The following TNKS variants were observed in gnomAD, a reference collection of about 807,000 sequenced individuals.
The protein encoded by TNKS is tankyrase, also known as poly [ADP-ribose] polymerase tankyrase-1.
Under a neutral mutation model 135.8 loss-of-function variants are expected in TNKS, and 72 were observed. The observed-to-expected ratio is 0.53, with a 90% CI of 0.44 to 0.64. The LOEUF (loss-of-function observed/expected upper bound fraction) is 0.64. Ranked by LOEUF, TNKS falls within the 30% of genes least tolerant of loss-of-function variation. TNKS has a pLI of 0.00. For missense variants in TNKS, 1,769 were observed against 1,674.0 expected (o/e 1.06, Z -0.99); for synonymous variants, 849 against 649.3 (o/e 1.31, Z -4.68).
chr8:9,743,344 T>C (rs557031872), intron 17 of TNKS: 14 of 152,266 alleles, frequency 9.2e-5, no homozygotes, highest in Non-Finnish European at 1.8e-4. Flanking sequence ...GCACCTGTGG[T>C]TTAATGGAAA....
rs1463818784 is a variant in TNKS at position 9,691,717 on chromosome 8, T to A, written c.1107+10917T>A. ...ACATATAATGCACTTAGAAAAGTGC[T>A]TAGTACATAGAAAATGCCCAAATTT... On this transcript the variant is annotated intron_variant, in intron 5 of 26. Coordinates refer to ENST00000310430, the MANE Select transcript of TNKS (RefSeq NM_003747.3). Among the ~76,000 whole-genome samples, 6 of 152,218 alleles carry A rather than the reference T, an allele frequency of 3.9e-5. No individual in the cohort carries two copies. The South Asian group carries it at 1.2e-3, about 32-fold the overall frequency.
At chr8:9,684,287 A>G (rs1476927354) in intron 5 of TNKS, among the ~76,000 whole-genome samples, 3 of 152,058 alleles carry the variant, frequency 2.0e-5, no homozygotes, top group Non-Finnish European at 4.4e-5. Flanking sequence ...TTTATTAGCT[A>G]TTATCCACAT....
chr8:9,725,920 T>C (rs1324900765), intron 12 of TNKS, among the ~76,000 whole-genome samples: 1 of 152,242 alleles, frequency 6.6e-6, no homozygotes, highest in Non-Finnish European at 1.5e-5. Context: ...AATTTAATTA[T>C]ATTCTGTTTC....
chr8:9,764,600 T>G, intron 22 of TNKS, 116 bp from the exon 23 acceptor site: 1 of 621,240 alleles, frequency 1.6e-6, no homozygotes, highest in South Asian at 3.3e-5. Context: ...CCACTAAACT[T>G]GTTCATCAAT....
At position 9,556,283 on chromosome 8, in the gene TNKS, G is replaced by T. The variant is rs1313386543; in HGVS notation, c.344G>T (p.Gly115Val). The T allele has an allele frequency of 6.2e-7, 1 of 1,614,256 alleles. No homozygotes were observed. Among genetic ancestry groups the T allele is most frequent in the South Asian group, 1.1e-5 (1 of 91,088 alleles). The change falls in exon 1 of 27, where the codon GGG becomes GTG. Residue 115 changes from glycine to valine, a missense_variant. Physicochemically the swap from Gly to Val is moderately radical, Grantham distance 109. Around this residue, in one of 5 missense-constraint regions of TNKS, gnomAD observed 450 missense variants for 304.9 expected, o/e 1.48. Transcript: ENST00000310430. ...GCGGTTTCTACTTCATCTGCCGCTG[G>T]GGTCGCTCCCAACCCAGCCGGCAGT... Reference protein sequence around the residue: ...VPAVSTSSAAGVAPNPAGSGS... With the variant: ...VPAVSTSSAAVVAPNPAGSGS...
chr8:9,700,694 T>G (rs1363555846), intron 5 of TNKS, among the ~76,000 whole-genome samples: 1 of 152,080 alleles, frequency 6.6e-6, no homozygotes, highest in Non-Finnish European at 1.5e-5. Context: ...ATCAGTCATT[T>G]CTCAGAGGCT....
intron 20 of TNKS, among the ~76,000 whole-genome samples, chr8:9,755,028 A>C (rs143479747): frequency 0.011 from 1,716 of 152,346 alleles, 14 homozygotes; most frequent in African/African-American, 0.024. Context: ...GTAAAATTTC[A>C]AACACATCTT....
At chr8:9,567,619 G>C (rs889993947) in intron 1 of TNKS, among the ~76,000 whole-genome samples, 1 of 152,056 alleles carries the variant, frequency 6.6e-6, no homozygotes, top group Non-Finnish European at 1.5e-5. Flanking sequence ...GGGTTTCACC[G>C]TGTTAGCGAG....
At chr8:9,676,907 C>T (rs1380988034) in intron 3 of TNKS, among the ~76,000 whole-genome samples, 1 of 152,158 alleles carries the variant, frequency 6.6e-6, no homozygotes, top group Non-Finnish European at 1.5e-5. Flanking sequence ...TGCCTAGTTT[C>T]CTTTCTGGCT....
At chr8:9,670,902 A>G (rs760818394) in intron 3 of TNKS, 5 of 152,218 alleles carry the variant, frequency 3.3e-5, no homozygotes, top group Non-Finnish European at 5.9e-5. Flanking sequence ...TTCTAAATAT[A>G]TATGGAATGC....
chr8:9,615,497 G>T (rs1799606989), intron 2 of TNKS, 85 bp from the exon 3 acceptor site: 7 of 1,104,300 alleles, frequency 6.3e-6, no homozygotes, highest in African/African-American at 1.6e-5. Flanking sequence ...GTATGTTTAT[G>T]CCTACACCAT....
At chr8:9,638,707 G>C (rs1198290861) in intron 3 of TNKS, among the ~76,000 whole-genome samples, 1 of 152,126 alleles carries the variant, frequency 6.6e-6, no homozygotes, top group African/African-American at 2.4e-5. Context: ...TGGAAGTAAA[G>C]ATAGTTTCCC....
chr8:9,657,901 A>G (rs201313215), intron 3 of TNKS, among the ~76,000 whole-genome samples: 1 of 113,872 alleles, frequency 8.8e-6, no homozygotes, highest in South Asian at 3.6e-4. Context: ...GTTGCCAGGC[A>G]GAGGGTCTCC....
intron 3 of TNKS, among the ~76,000 whole-genome samples, chr8:9,655,348 C>T (rs974882504): frequency 1.3e-5 from 2 of 152,240 alleles, no homozygotes; most frequent in Non-Finnish European, 2.9e-5. Context: ...GCAGCAGAAA[C>T]CCCTGCAGAC....
At chr8:9,700,317 GAGAA>G (rs1803734296) in intron 5 of TNKS, among the ~76,000 whole-genome samples, 1 of 152,162 alleles carries the variant, frequency 6.6e-6, no homozygotes, top group Non-Finnish European at 1.5e-5. Flanking sequence ...GTGTGATTTT[GAGAA>G]AGAAGAAGAT....
chr8:9,587,029 A>G (rs867122013), intron 2 of TNKS, among the ~76,000 whole-genome samples: 6 of 152,314 alleles, frequency 3.9e-5, no homozygotes, highest in African/African-American at 1.4e-4. Context: ...GTAGGCAAAT[A>G]ATGGTTGAAA....
chr8:9,709,114 C>T (rs1262942840), intron 9 of TNKS, among the ~76,000 whole-genome samples: 1 of 152,112 alleles, frequency 6.6e-6, no homozygotes, highest in Non-Finnish European at 1.5e-5. Flanking sequence ...TATGTGATGC[C>T]TGCATCACAG....
rs76303792 is a variant in TNKS, at chr8:9,698,968, T to C, written c.1108-5695T>C. 4.8e-3 allele frequency among the ~76,000 whole-genome samples: 735 copies of C among 152,328 alleles called. 10 individuals carry two copies. Among genetic ancestry groups the C allele is most frequent in the African/African-American group, 0.016 (684 of 41,572 alleles). On this transcript the variant is annotated intron_variant, in intron 5 of 26. Transcript: ENST00000310430. ...AGATTTATCTTACAGCAGAATAATA[T>C]TTAGATAGCTTTTGTATTTGTGTCT... is the stretch of plus-strand genomic sequence containing the variant.
chr8:9,777,059 C>T lies in TNKS; in HGVS notation c.*323C>T. The stretch of plus-strand genomic sequence containing the variant: ...GAAAATAAGAAAACCAATGCTTTTT[C>T]AAATGTTCACAATTCACACACTACA... On this transcript the variant is annotated 3_prime_UTR_variant, in exon 27 of 27. Coordinates refer to ENST00000310430, the MANE Select transcript of TNKS (RefSeq NM_003747.3). The T allele has an allele frequency of 3.4e-6, 1 of 294,378 alleles. No individual in the cohort carries two copies. The highest frequency in any genetic ancestry group is 6.4e-6 in the Non-Finnish European group (1 of 155,464). 18.2% of individuals were successfully genotyped at this position (294,378 alleles called of 1,614,324 possible).
Sources: gnomAD v4.1 joint callset for allele counts (sites outside exome capture counted in the v4.1 genomes callset) on GRCh38, gnomAD v4.1.1 for gene constraint, gnomAD v4.1.1 regional missense constraint, MANE v1.5 for transcripts, NCBI Gene and HGNC (gene_info 2026-07-23, HGNC 2026-07-21) for gene names.